The following PLA2G4A variants were observed in gnomAD, a reference collection of about 807,000 sequenced individuals.
The protein encoded by PLA2G4A is cytosolic phospholipase A2.
A neutral mutation model predicts 81.9 loss-of-function variants in PLA2G4A; 40 were observed. The observed-to-expected ratio is 0.49, with a 90% CI of 0.38 to 0.64. The LOEUF is 0.64. Ranked by LOEUF, PLA2G4A falls within the 30% of genes least tolerant of loss-of-function variation. The pLI is 0.00. For synonymous variants in PLA2G4A, 302 were observed against 296.9 expected (o/e 1.02, Z -0.18); for missense variants, 715 against 905.1 (o/e 0.79, Z 2.69).
intron 7 of PLA2G4A, 70 bp from the exon 8 acceptor site, chr1:186,932,693 T>C: frequency 3.5e-6 from 5 of 1,439,510 alleles, no homozygotes; most frequent in South Asian, 1.1e-5. Context: ...AACATAAAGA[T>C]TGAGACTAAA....
intron 7 of PLA2G4A, among the ~76,000 whole-genome samples, chr1:186,919,444 G>A (rs1018169464): frequency 7.9e-5 from 12 of 152,162 alleles, no homozygotes; most frequent in Non-Finnish European, 1.3e-4. Flanking sequence ...TCCTCCAGGT[G>A]CTGAAGCAGG....
chr1:186,941,274 C>G (rs1487469432), intron 10 of PLA2G4A, among the ~76,000 whole-genome samples: 1 of 152,098 alleles, frequency 6.6e-6, no homozygotes, highest in African/African-American at 2.4e-5. Flanking sequence ...CTTAAAAAAC[C>G]ATCATGAGTG....
intron 2 of PLA2G4A, among the ~76,000 whole-genome samples, chr1:186,859,479 T>A (rs1390504203): frequency 1.3e-5 from 2 of 152,118 alleles, no homozygotes; most frequent in Non-Finnish European, 2.9e-5. Context: ...GTGAGTCATA[T>A]CCCTGAAGTG....
intron 15 of PLA2G4A, among the ~76,000 whole-genome samples, chr1:186,971,820 C>A (rs530017053): frequency 9.2e-5 from 14 of 151,964 alleles, no homozygotes; most frequent in South Asian, 2.1e-4. Flanking sequence ...ACATAAAGTT[C>A]TTTTGATAGG....
intron 3 of PLA2G4A, among the ~76,000 whole-genome samples, chr1:186,876,577 A>G (rs1653509483): frequency 6.6e-6 from 1 of 152,146 alleles, no homozygotes; most frequent in Non-Finnish European, 1.5e-5. Context: ...GCTGTTTGCC[A>G]TCACTGGCAT....
intron 15 of PLA2G4A, among the ~76,000 whole-genome samples, chr1:186,974,968 A>G (rs1360507026): frequency 6.6e-6 from 1 of 152,206 alleles, no homozygotes; most frequent in Non-Finnish European, 1.5e-5. Flanking sequence ...AAATAGCCTC[A>G]CTGTTACCTC....
intron 7 of PLA2G4A, among the ~76,000 whole-genome samples, chr1:186,928,423 C>T (rs1410429302): frequency 2.0e-5 from 3 of 152,084 alleles, no homozygotes; most frequent in African/African-American, 7.2e-5. Context: ...CTGTTCAAGG[C>T]CTGAATATGA....
chr1:186,855,492 C>T (rs1018188324), intron 2 of PLA2G4A, among the ~76,000 whole-genome samples: 1 of 151,982 alleles, frequency 6.6e-6, no homozygotes, highest in Non-Finnish European at 1.5e-5. Context: ...ATTCCACCCA[C>T]GAAACCATCA....
intron 6 of PLA2G4A, among the ~76,000 whole-genome samples, chr1:186,908,117 G>A (rs1022899617): frequency 1.8e-4 from 28 of 151,830 alleles, no homozygotes; most frequent in African/African-American, 6.5e-4. Context: ...TTTATTCAAA[G>A]AAAAATTTTC....
intron 3 of PLA2G4A, among the ~76,000 whole-genome samples, chr1:186,881,521 T>A (rs986026032): frequency 6.6e-6 from 1 of 152,088 alleles, no homozygotes; most frequent in Non-Finnish European, 1.5e-5. Context: ...CCATAACGCT[T>A]ATAATTTTGA....
At chr1:186,938,662 A>G (rs980856484) in intron 8 of PLA2G4A, among the ~76,000 whole-genome samples, 3 of 152,284 alleles carry the variant, frequency 2.0e-5, no homozygotes, top group South Asian at 2.1e-4. Flanking sequence ...ATTCATTTAC[A>G]TGACTCAGAT....
At chr1:186,929,094 A>T (rs1412628176) in intron 7 of PLA2G4A, among the ~76,000 whole-genome samples, 1 of 152,236 alleles carries the variant, frequency 6.6e-6, no homozygotes, top group Non-Finnish European at 1.5e-5. Context: ...AGTGATACAT[A>T]ATTTGAAATA....
chr1:186,940,917 C>T (rs1350817911), intron 10 of PLA2G4A, among the ~76,000 whole-genome samples: 2 of 152,036 alleles, frequency 1.3e-5, no homozygotes, highest in Non-Finnish European at 2.9e-5. Flanking sequence ...GAACCAATGC[C>T]TCATTTTGTT....
intron 1 of PLA2G4A, among the ~76,000 whole-genome samples, chr1:186,842,820 T>C (rs2102009723): frequency 6.6e-6 from 1 of 152,316 alleles, no homozygotes; most frequent in South Asian, 2.1e-4. Context: ...TTTAAGCCAC[T>C]CGGTCTGTGA....
At chr1:186,926,852 G>A (rs1655567814) in intron 7 of PLA2G4A, among the ~76,000 whole-genome samples, 1 of 152,160 alleles carries the variant, frequency 6.6e-6, no homozygotes, top group African/African-American at 2.4e-5. Context: ...ATGTTACTCA[G>A]TAGAACAGTA....
chr1:186,834,838 T>C (rs756763903), intron 1 of PLA2G4A, among the ~76,000 whole-genome samples: 1 of 152,166 alleles, frequency 6.6e-6, no homozygotes, highest in Non-Finnish European at 1.5e-5. Flanking sequence ...AACCTATGGC[T>C]CTTTCTGGCT....
chr1:186,988,439 T>C lies in PLA2G4A; in HGVS notation c.2181T>C (p.Ser727=), dbSNP rs761783969. The change falls in exon 18 of 18, where the codon TCT becomes TCC. Residue 727 remains serine (S), a synonymous_variant. Transcript: ENST00000367466. ...GAAGACAGAATCCATCTCGTTGCTC[T>C]GTTTCCCTTAGTAATGTTGAGGCAA... ...EYRRQNPSRC[S]VSLSNVEARR... The C allele has an allele frequency of 1.2e-6, 2 of 1,611,856 alleles. No individual in the cohort carries two copies. The highest frequency in any genetic ancestry group is 3.3e-5 in the Admixed American group (2 of 60,022).
intron 14 of PLA2G4A, among the ~76,000 whole-genome samples, chr1:186,963,487 A>G (rs568759134): frequency 7.2e-5 from 11 of 152,326 alleles, no homozygotes; most frequent in African/African-American, 2.6e-4. Flanking sequence ...TTATTGCCCT[A>G]TAAGTTAGCC....
At chr1:186,960,151 C>T (rs1270075899) in intron 14 of PLA2G4A, among the ~76,000 whole-genome samples, 1 of 152,094 alleles carries the variant, frequency 6.6e-6, no homozygotes, top group South Asian at 2.1e-4. Context: ...TAGTTGTGTA[C>T]CTGTAGAAAC....
Sources: allele counts gnomAD v4.1 joint callset (sites outside exome capture counted in the v4.1 genomes callset), GRCh38; gene constraint gnomAD v4.1.1; transcripts MANE v1.5; gene names NCBI Gene and HGNC (gene_info 2026-07-23, HGNC 2026-07-21).